ANKFN1: variants seen among roughly 807,000 people sequenced by gnomAD.
ANKFN1 encodes ankyrin repeat and fibronectin type-III domain-containing protein 1.
A neutral mutation model predicts 108.7 loss-of-function variants in ANKFN1; 74 were observed. The observed-to-expected ratio is 0.68, with a 90% CI of 0.56 to 0.83. The LOEUF is 0.83. Among genes scored for constraint, ANKFN1 ranks in the 40% least tolerant of loss-of-function variants. ANKFN1 has a pLI of 0.00. For synonymous variants in ANKFN1, 547 were observed against 516.2 expected, an observed-to-expected ratio of 1.06 and a Z score of -0.81; for missense variants, 1,505 against 1,382.3, an observed-to-expected ratio of 1.09 and a Z score of -1.41.
rs140937065 is a variant in ANKFN1 at position 56,062,748 on chromosome 17, T to G, written c.288+16423T>G. ...TAGCCCATTTACATTTAAGGTTAAGTGTGAATTTGGTCCTGTCATCATGAT... is the reference window on the plus strand; with the variant it reads ...TAGCCCATTTACATTTAAGGTTAAGGGTGAATTTGGTCCTGTCATCATGAT... On this transcript the variant is annotated intron_variant, in intron 4 of 12. Coordinates refer to the ANKFN1 transcript ENST00000635860. 4.1e-3 allele frequency among the ~76,000 whole-genome samples: 624 copies of G among 152,126 alleles called. 5 individuals carry two copies. The highest frequency in any genetic ancestry group is 0.014 in the African/African-American group (583 of 41,520).
chr17:56,070,798 G>A (rs540354753), intron 4 of ANKFN1, among the ~76,000 whole-genome samples: 3 of 150,958 alleles, frequency 2.0e-5, no homozygotes, highest in South Asian at 2.1e-4. Context: ...GCAGTGGCGC[G>A]ATCTCAGCTC....
At chr17:56,072,210 TTTC>T (rs1322054957) in intron 4 of ANKFN1, among the ~76,000 whole-genome samples, 1 of 152,242 alleles carries the variant, frequency 6.6e-6, no homozygotes, top group South Asian at 2.1e-4. Context: ...GTGTTTTCAC[TTTC>T]TTCTTATTTT....
chr17:56,515,440 A>T lies in ANKFN1; in HGVS notation c.*4171A>T, dbSNP rs1402585030. 6.6e-6 allele frequency among the ~76,000 whole-genome samples: 1 copy of T among 152,228 alleles called. No individual in the cohort carries two copies. Among genetic ancestry groups the T allele is most frequent in the African/African-American group, 2.4e-5 (1 of 41,474 alleles). The stretch of plus-strand genomic sequence containing the variant: ...AGGTCGTATCTTCAAGGAAATTTTT[A>T]AAATAGCTATTTGGAAAGCAATGGT... On this transcript the variant is annotated 3_prime_UTR_variant, in exon 21 of 21. Transcript: ENST00000682825.
In ANKFN1 at chr17:56,164,202, G is replaced by A. The variant is rs546167768; in HGVS notation, c.-71+10672G>A. Among the ~76,000 whole-genome samples, 9 of 152,126 alleles carry A rather than the reference G, an allele frequency of 5.9e-5. No homozygotes were observed. In the East Asian group the frequency reaches 1.5e-3, roughly 26 times the overall value. The stretch of plus-strand genomic sequence containing the variant: ...GTGCCTTTGGATCTGCTGCTCCCTT[G>A]GCCCAGAAAGACCTCCGTTGCATTC... On this transcript the variant is annotated intron_variant, in intron 1 of 20. Transcript: ENST00000682825.
chr17:56,132,308 T>G (rs996353759), intron 4 of ANKFN1, among the ~76,000 whole-genome samples: 1 of 152,200 alleles, frequency 6.6e-6, no homozygotes, highest in Non-Finnish European at 1.5e-5. Flanking sequence ...TGGTGCTTTT[T>G]GGAGATCTCA....
chr17:56,152,260 A>ATGTGTGTGTGTGTGTGTGTGTGTG (rs747513318), upstream of ANKFN1, among the ~76,000 whole-genome samples: 3 of 128,688 alleles, frequency 2.3e-5, no homozygotes, highest in Non-Finnish European at 4.9e-5. Flanking sequence ...ATATATATAT[A>ATGTGTGTGTGTGTGTGTGTGTGTG]TATGTGTGTG....
intron 4 of ANKFN1, among the ~76,000 whole-genome samples, chr17:56,346,333 G>A (rs987842414): frequency 6.6e-6 from 1 of 152,078 alleles, no homozygotes; most frequent in Non-Finnish European, 1.5e-5. Flanking sequence ...GATGCCGCCA[G>A]CTTTGTTCTT....
intron 8 of ANKFN1, among the ~76,000 whole-genome samples, chr17:56,434,260 G>A (rs1006223074): frequency 2.6e-5 from 4 of 151,926 alleles, no homozygotes; most frequent in Non-Finnish European, 5.9e-5. Context: ...ATGTAGAGAA[G>A]CACATATTAT....
At chr17:56,381,541 A>AT (rs2047104755) in intron 8 of ANKFN1, among the ~76,000 whole-genome samples, 1 of 152,216 alleles carries the variant, frequency 6.6e-6, no homozygotes, top group Admixed American at 6.5e-5. Flanking sequence ...ACTTTGAAAA[A>AT]AATTTAGATG....
intron 4 of ANKFN1, among the ~76,000 whole-genome samples, chr17:56,075,852 G>T (rs145935608): frequency 5.3e-5 from 8 of 152,134 alleles, no homozygotes; most frequent in African/African-American, 1.9e-4. Flanking sequence ...GACTGACCAT[G>T]TCAAGCACTG....
At chr17:56,146,417 A>G (rs540657403) in intron 4 of ANKFN1, among the ~76,000 whole-genome samples, 2 of 152,246 alleles carry the variant, frequency 1.3e-5, no homozygotes, top group South Asian at 4.1e-4. Context: ...TTTTTCTTCC[A>G]TACTGCCCTG....
chr17:56,137,111 GA>G (rs973321955), intron 4 of ANKFN1, among the ~76,000 whole-genome samples: 89 of 152,296 alleles, frequency 5.8e-4, no homozygotes, highest in African/African-American at 2.1e-3. Flanking sequence ...ATCTGTTAGG[GA>G]AGAGAGATGT....
intron 4 of ANKFN1, among the ~76,000 whole-genome samples, chr17:56,071,707 G>T (rs531665056): frequency 6.6e-6 from 1 of 152,314 alleles, no homozygotes; most frequent in Admixed American, 6.5e-5. Flanking sequence ...CTTCACACCT[G>T]TTCAATAGGT....
At chr17:56,285,994 AC>A (rs1208681667) in intron 3 of ANKFN1, among the ~76,000 whole-genome samples, 1 of 151,708 alleles carries the variant, frequency 6.6e-6, no homozygotes, top group Non-Finnish European at 1.5e-5. Context: ...TTTTAATTAT[AC>A]CCCCTTTCAC....
intron 3 of ANKFN1, among the ~76,000 whole-genome samples, chr17:56,238,375 T>C (rs1337648147): frequency 6.6e-6 from 1 of 152,016 alleles, no homozygotes; most frequent in Non-Finnish European, 1.5e-5. Context: ...GTCAGTGGAG[T>C]GTTGGAGTTT....
At chr17:56,346,782 A>C (rs1355348883) in intron 4 of ANKFN1, among the ~76,000 whole-genome samples, 1 of 151,266 alleles carries the variant, frequency 6.6e-6, no homozygotes, top group Non-Finnish European at 1.5e-5. Flanking sequence ...TAGGTGTACC[A>C]TTTGTAAATG....
intron 8 of ANKFN1, among the ~76,000 whole-genome samples, chr17:56,412,947 T>C (rs1384587040): frequency 6.6e-6 from 1 of 152,228 alleles, no homozygotes; most frequent in Non-Finnish European, 1.5e-5. Flanking sequence ...GTGTCAATTT[T>C]GCTTATCTTT....
intron 4 of ANKFN1, among the ~76,000 whole-genome samples, chr17:56,108,899 T>C (rs76749280): frequency 5.6e-4 from 85 of 152,292 alleles, no homozygotes; most frequent in African/African-American, 1.9e-3. Flanking sequence ...ATAGGAGTAA[T>C]TTTGTAAGCC....
In ANKFN1 at chr17:56,456,902, T is replaced by C. The variant is rs2049724862; in HGVS notation, c.1249T>C (p.Ser417Pro). 1 of 1,614,040 alleles carries C rather than the reference T, an allele frequency of 6.2e-7. No homozygotes were observed. The highest frequency in any genetic ancestry group is 1.3e-5 in the African/African-American group (1 of 74,908). The stretch of plus-strand genomic sequence containing the variant: ...AACCACAGGCCGCAAGCAGTCAGTC[T>C]CAAGAAGCCTGAAACACCTGTTCCA... ...LQTTGRKQSV[S>P]RSLKHLFHSS... The change falls in exon 12 of 21, where the codon TCA becomes CCA. Residue 417 changes from serine to proline, a missense_variant. Coordinates refer to ENST00000682825, the MANE Select transcript of ANKFN1 (RefSeq NM_001370326.1).
Sources: gnomAD v4.1 joint callset for allele counts (sites outside exome capture counted in the v4.1 genomes callset) on GRCh38, gnomAD v4.1.1 for gene constraint, MANE v1.5 for transcripts, NCBI Gene and HGNC (gene_info 2026-07-23, HGNC 2026-07-21) for gene names.